The following MEMO1 variants were observed in gnomAD, a reference collection of about 807,000 sequenced individuals.
MEMO1 encodes the protein mediator of cell motility 1.
In MEMO1, 6 loss-of-function variants were observed where a neutral mutation model predicts 45.2. The observed-to-expected ratio is 0.13, with a 90% CI of 0.07 to 0.26. The LOEUF (loss-of-function observed/expected upper bound fraction) is 0.26. MEMO1 is among the 10% of genes least tolerant of loss of function. MEMO1 has a pLI of 1.00. For synonymous variants in MEMO1, 78 were observed against 124.3 expected, an observed-to-expected ratio of 0.63 and a Z score of 2.48; for missense variants, 184 against 370.5, an observed-to-expected ratio of 0.50 and a Z score of 4.13.
At chr2:31,871,237 G>A (rs954649103) in intron 8 of MEMO1, among the ~76,000 whole-genome samples, 8 of 152,090 alleles carry the variant, frequency 5.3e-5, no homozygotes, top group African/African-American at 1.9e-4. Context: ...AAATGCAAAT[G>A]GTGGTTTAAC....
chr2:32,001,463 T>C (rs1056232914), intron 2 of MEMO1, among the ~76,000 whole-genome samples: 2 of 152,148 alleles, frequency 1.3e-5, no homozygotes, highest in African/African-American at 4.8e-5. Flanking sequence ...TTTTTAGTTA[T>C]GTTTATTATT....
intron 2 of MEMO1, among the ~76,000 whole-genome samples, chr2:32,001,768 C>T (rs1673345063): frequency 6.6e-6 from 1 of 152,164 alleles, no homozygotes; most frequent in Admixed American, 6.6e-5. Flanking sequence ...CTTCGTTTCT[C>T]ATCTATAAAA....
chr2:31,927,642 A>AG (rs1399980455), intron 4 of MEMO1, among the ~76,000 whole-genome samples: 3 of 150,948 alleles, frequency 2.0e-5, no homozygotes, highest in Non-Finnish European at 4.4e-5. Flanking sequence ...TATTTTGTAA[A>AG]AAAAAAAAAA....
At position 31,947,016 on chromosome 2, in the gene MEMO1, G is replaced by A. The variant is rs1408077881; in HGVS notation, c.62-3633C>T. Reference sequence around the variant, plus strand: ...ACCATCTAGCCTTGGTGTATAGTAGGCTATACCATCTAGGTTGGCAAATAC... The same window carrying A: ...ACCATCTAGCCTTGGTGTATAGTAGACTATACCATCTAGGTTGGCAAATAC... On this transcript the variant is annotated intron_variant, in intron 2 of 9. Transcript: ENST00000404530. Among the ~76,000 whole-genome samples the A allele has an allele frequency of 2.0e-5, 3 of 152,090 alleles. No individual in the cohort carries two copies. In the East Asian group the frequency reaches 5.8e-4, roughly 29 times the overall value.
intron 2 of MEMO1, among the ~76,000 whole-genome samples, chr2:31,995,566 T>A (rs1236446461): frequency 6.6e-6 from 1 of 151,808 alleles, no homozygotes; most frequent in African/African-American, 2.4e-5. Flanking sequence ...AGAAGATCAC[T>A]GAACTTGAGA....
chr2:32,002,691 G>A (rs183580246), intron 2 of MEMO1, among the ~76,000 whole-genome samples: 149 of 152,018 alleles, frequency 9.8e-4, no homozygotes, highest in Middle Eastern at 6.8e-3. Flanking sequence ...TGAAGATTAG[G>A]GATTATATAC....
At chr2:31,882,597 A>T (rs1273569506) in intron 8 of MEMO1, among the ~76,000 whole-genome samples, 1 of 152,176 alleles carries the variant, frequency 6.6e-6, no homozygotes, top group African/African-American at 2.4e-5. Context: ...AAAATAAATT[A>T]ACAAAACAAA....
At position 31,917,836 on chromosome 2, in the gene MEMO1, C is replaced by T. The variant is rs922079607; in HGVS notation, c.437+90G>A. On this transcript the variant is annotated intron_variant, in intron 6 of 9. Transcript: ENST00000404530. ...TTATCTCACATCTTAATCTCCTTAC[C>T]CTGATAATTACTAGGATTTACTAGT... is the stretch of plus-strand genomic sequence containing the variant. The T allele has an allele frequency of 4.6e-5, 36 of 784,796 alleles. No individual in the cohort carries two copies. In the Middle Eastern group the frequency reaches 1.6e-3, roughly 35 times the overall value. The allele number at this position is 784,796 out of a possible 1,614,324, so 48.6% of individuals were successfully genotyped here. A position where few individuals can be genotyped will look rare whatever the true frequency, so the allele number is the denominator to read the frequency against.
chr2:31,891,343 A>G (rs1054462594), intron 7 of MEMO1, among the ~76,000 whole-genome samples: 1 of 152,164 alleles, frequency 6.6e-6, no homozygotes, highest in African/African-American at 2.4e-5. Flanking sequence ...AACGTTTACT[A>G]AAAGAGGCAT....
rs182071898 is a variant in MEMO1 at position 31,941,375 on chromosome 2, C to T, written c.143+1927G>A. Among the ~76,000 whole-genome samples, 1,479 of 152,248 alleles carry T rather than the reference C, an allele frequency of 9.7e-3. 26 individuals are homozygous for T. Among genetic ancestry groups the T allele is most frequent in the South Asian group, 0.049 (238 of 4,824 alleles). On this transcript the variant is annotated intron_variant, in intron 3 of 9. Coordinates refer to ENST00000404530, the MANE Select transcript of MEMO1 (RefSeq NM_001301833.4). ...TAAAATGTTACCTTACCAGGGAGTC[C>T]TTTTCTTACTAATCCTATATAAAAC...
intron 2 of MEMO1, among the ~76,000 whole-genome samples, chr2:31,993,836 C>G (rs181649238): frequency 6.6e-6 from 1 of 151,054 alleles, no homozygotes; most frequent in African/African-American, 2.4e-5. Flanking sequence ...CAAGGCCAAA[C>G]TATCCTATTT....
chr2:31,948,162 A>G (rs1260166794), intron 2 of MEMO1, among the ~76,000 whole-genome samples: 3 of 152,240 alleles, frequency 2.0e-5, no homozygotes, highest in East Asian at 1.9e-4. Flanking sequence ...TCGCAAATCC[A>G]TATGTATACA....
chr2:31,893,061 A>C (rs1677200333), intron 6 of MEMO1, among the ~76,000 whole-genome samples: 1 of 152,200 alleles, frequency 6.6e-6, no homozygotes, highest in South Asian at 2.1e-4. Flanking sequence ...TTTTAAAAAA[A>C]TCACCATTAT....
At chr2:31,982,543 C>T (rs1193494256) in intron 2 of MEMO1, among the ~76,000 whole-genome samples, 1 of 147,814 alleles carries the variant, frequency 6.8e-6, no homozygotes, top group Admixed American at 6.8e-5. Context: ...TGAGCAAGAT[C>T]GCGCCACTGC....
intron 2 of MEMO1, among the ~76,000 whole-genome samples, chr2:31,951,354 C>A (rs989061764): frequency 1.3e-5 from 2 of 152,064 alleles, no homozygotes; most frequent in African/African-American, 2.4e-5. Flanking sequence ...ATGAAATATA[C>A]TACCACTATG....
intron 2 of MEMO1, among the ~76,000 whole-genome samples, chr2:32,009,520 T>G (rs952887824): frequency 6.6e-6 from 1 of 152,196 alleles, no homozygotes; most frequent in Non-Finnish European, 1.5e-5. Context: ...CTTCACTCCC[T>G]GCAAGACAGC....
At chr2:31,990,572 T>A (rs78027784) in intron 2 of MEMO1, among the ~76,000 whole-genome samples, 64 of 114,186 alleles carry the variant, frequency 5.6e-4, no homozygotes, top group African/African-American at 7.4e-4. Context: ...ATTTTTTTTC[T>A]TTTTTTTTTT....
chr2:31,993,590 T>A (rs888149940), intron 2 of MEMO1, among the ~76,000 whole-genome samples: 6 of 152,126 alleles, frequency 3.9e-5, no homozygotes, highest in African/African-American at 1.4e-4. Flanking sequence ...AACAAAGAAC[T>A]CTGGAAATCT....
chr2:31,925,390 C>T (rs965433070), intron 4 of MEMO1, among the ~76,000 whole-genome samples: 2 of 148,102 alleles, frequency 1.4e-5, no homozygotes, highest in South Asian at 2.1e-4. Flanking sequence ...GCAGGAGAAT[C>T]GTTTGAACCC....
Sources: allele counts gnomAD v4.1 joint callset (sites outside exome capture counted in the v4.1 genomes callset), GRCh38; gene constraint gnomAD v4.1.1; transcripts MANE v1.5; gene names NCBI Gene and HGNC (gene_info 2026-07-23, HGNC 2026-07-21).